The following PRKCE variants were observed in gnomAD, a reference collection of about 807,000 sequenced individuals.
PRKCE encodes protein kinase C epsilon type.
Under a neutral mutation model 85.4 loss-of-function variants are expected in PRKCE, and 16 were observed. The observed-to-expected ratio is 0.19, with a 90% CI of 0.13 to 0.28. The LOEUF is 0.28. Ranked by LOEUF, PRKCE falls within the 10% of genes least tolerant of loss-of-function variation. The probability of loss-of-function intolerance (pLI) is 1.00; values close to 1 mark genes in which losing one functional copy is unlikely to be tolerated. For synonymous variants in PRKCE, 388 were observed against 371.5 expected, an observed-to-expected ratio of 1.04 and a Z score of -0.51; for missense variants, 573 against 975.2, an observed-to-expected ratio of 0.59 and a Z score of 5.49.
intron 10 of PRKCE, among the ~76,000 whole-genome samples, chr2:46,066,697 C>G (rs1667652529): frequency 6.6e-6 from 1 of 152,180 alleles, no homozygotes; most frequent in African/African-American, 2.4e-5. Context: ...CAACTGTTGT[C>G]ACTGGCTGAC....
chr2:46,072,748 A>G (rs1472021573), intron 10 of PRKCE, among the ~76,000 whole-genome samples: 1 of 152,202 alleles, frequency 6.6e-6, no homozygotes, highest in African/African-American at 2.4e-5. Flanking sequence ...TGGGAACTCC[A>G]TGAGATACCT....
chr2:45,995,620 C>T (rs898595954), intron 6 of PRKCE, among the ~76,000 whole-genome samples: 1 of 152,206 alleles, frequency 6.6e-6, no homozygotes, highest in East Asian at 1.9e-4. Flanking sequence ...CATTTTATTG[C>T]CTTTGCTTCT....
At chr2:45,902,316 A>G (rs1363551243) in intron 2 of PRKCE, among the ~76,000 whole-genome samples, 1 of 152,184 alleles carries the variant, frequency 6.6e-6, no homozygotes, top group Non-Finnish European at 1.5e-5. Context: ...TACATACAGT[A>G]AACAGAATTC....
chr2:46,029,867 T>C (rs1022017539), intron 10 of PRKCE, among the ~76,000 whole-genome samples: 6 of 152,106 alleles, frequency 3.9e-5, no homozygotes, highest in Admixed American at 6.5e-5. Flanking sequence ...GGGCATTTGC[T>C]GGGGTCCTTG....
chr2:46,012,484 C>G (rs1202754685), intron 10 of PRKCE, among the ~76,000 whole-genome samples: 1 of 152,106 alleles, frequency 6.6e-6, no homozygotes, highest in Non-Finnish European at 1.5e-5. Context: ...GTTTCTTGTG[C>G]CTGATCCAGC....
At chr2:46,054,421 A>G (rs567842208) in intron 10 of PRKCE, among the ~76,000 whole-genome samples, 2 of 152,294 alleles carry the variant, frequency 1.3e-5, no homozygotes, top group East Asian at 3.9e-4. Context: ...TGACACCTCT[A>G]CTATTTTTTT....
At chr2:46,153,924 T>C (rs2104543176) in intron 13 of PRKCE, among the ~76,000 whole-genome samples, 1 of 151,912 alleles carries the variant, frequency 6.6e-6, no homozygotes, top group Middle Eastern at 3.4e-3. Flanking sequence ...GTAGCTGGGA[T>C]TACAGGCGCC....
At chr2:46,029,006 C>A (rs1707326629) in intron 10 of PRKCE, among the ~76,000 whole-genome samples, 2 of 152,152 alleles carry the variant, frequency 1.3e-5, no homozygotes, top group South Asian at 4.1e-4. Flanking sequence ...TTTTTTATGG[C>A]TGCATATTAT....
Position 46,087,955 on chromosome 2 carries a change from T to G in PRKCE, c.1592+1593T>G, listed in dbSNP as rs2103923859. 1.3e-5 allele frequency among the ~76,000 whole-genome samples: 2 copies of G among 152,362 alleles called. 1 individual carries two copies. ...GGGAAGGTCTGGGCCTTCTTTTCAATGGCCCTAATCAGGCTTACCCAAGAT... is the reference window on the plus strand; with the variant it reads ...GGGAAGGTCTGGGCCTTCTTTTCAAGGGCCCTAATCAGGCTTACCCAAGAT... On this transcript the variant is annotated intron_variant, in intron 11 of 14. Transcript: ENST00000306156.
chr2:45,885,422 C>T (rs987210000), intron 2 of PRKCE, among the ~76,000 whole-genome samples: 2 of 152,090 alleles, frequency 1.3e-5, no homozygotes, highest in African/African-American at 4.8e-5. Flanking sequence ...CATTTATATT[C>T]GCAGCCCATT....
intron 1 of PRKCE, among the ~76,000 whole-genome samples, chr2:45,782,150 C>T (rs887776391): frequency 1.8e-4 from 28 of 152,188 alleles, no homozygotes; most frequent in African/African-American, 5.1e-4. Context: ...GTAAACTCTT[C>T]GGAGCTGAGC....
chr2:45,839,457 C>A (rs565533098), intron 1 of PRKCE, among the ~76,000 whole-genome samples: 1 of 152,192 alleles, frequency 6.6e-6, no homozygotes, highest in East Asian at 1.9e-4. Context: ...GATATGAGGT[C>A]CAAGGAGGTT....
chr2:45,923,019 C>T (rs1385751889), intron 2 of PRKCE, among the ~76,000 whole-genome samples: 1 of 152,206 alleles, frequency 6.6e-6, no homozygotes, highest in African/African-American at 2.4e-5. Context: ...AAATACCACA[C>T]ACCTTCTGTA....
chr2:45,773,849 C>T (rs1395428736), intron 1 of PRKCE, among the ~76,000 whole-genome samples: 1 of 152,190 alleles, frequency 6.6e-6, no homozygotes, highest in Non-Finnish European at 1.5e-5. Context: ...TACCCTGGGG[C>T]TCCTGTACCT....
rs551836067 is a variant in PRKCE, at chr2:46,180,904, T to C, written c.2068-3831T>C. Among the ~76,000 whole-genome samples the C allele has an allele frequency of 4.5e-3, 684 of 152,270 alleles. 4 individuals are homozygous for C. The highest frequency in any genetic ancestry group is 6.4e-3 in the Non-Finnish European group (438 of 68,022). ...TACTCTATTCAGCCTTCCCTAAGTGTGGGCCAAAGGTTGTAGAAAAGGCTT... is the reference window on the plus strand; with the variant it reads ...TACTCTATTCAGCCTTCCCTAAGTGCGGGCCAAAGGTTGTAGAAAAGGCTT... On this transcript the variant is annotated intron_variant, in intron 14 of 14. Transcript: ENST00000306156.
At chr2:45,661,090 T>C (rs911854629) in intron 1 of PRKCE, among the ~76,000 whole-genome samples, 1 of 152,198 alleles carries the variant, frequency 6.6e-6, no homozygotes, top group African/African-American at 2.4e-5. Context: ...TTTATGTTAG[T>C]GAAAAGTCAC....
At chr2:46,037,370 C>T (rs910352150) in intron 10 of PRKCE, among the ~76,000 whole-genome samples, 5 of 152,216 alleles carry the variant, frequency 3.3e-5, no homozygotes, top group Non-Finnish European at 5.9e-5. Context: ...TCACCTCTTC[C>T]CTTCTTCCAT....
At chr2:45,686,800 A>G (rs1002969455) in intron 1 of PRKCE, among the ~76,000 whole-genome samples, 2 of 152,194 alleles carry the variant, frequency 1.3e-5, no homozygotes, top group Admixed American at 1.3e-4. Context: ...ATAGAAATGG[A>G]AAATTGGCGT....
chr2:45,912,473 G>A (rs1355641634), intron 2 of PRKCE, among the ~76,000 whole-genome samples: 2 of 152,146 alleles, frequency 1.3e-5, no homozygotes, highest in Admixed American at 1.3e-4. Flanking sequence ...CTTGGGAGTG[G>A]GTGGGGGCTG....
Sources: gnomAD v4.1 joint callset for allele counts (sites outside exome capture counted in the v4.1 genomes callset) on GRCh38, gnomAD v4.1.1 for gene constraint, MANE v1.5 for transcripts, NCBI Gene and HGNC (gene_info 2026-07-23, HGNC 2026-07-21) for gene names.